PABPC1L: variants seen among roughly 807,000 people sequenced by gnomAD.
The protein encoded by PABPC1L is poly(A) binding protein cytoplasmic 1 like.
Under a neutral mutation model 66.6 loss-of-function variants are expected in PABPC1L, and 31 were observed. That is an observed-to-expected ratio of 0.47 (90% confidence interval 0.35 to 0.63). The LOEUF (loss-of-function observed/expected upper bound fraction) is 0.63. Ranked by LOEUF, PABPC1L falls within the 20% of genes least tolerant of loss-of-function variation. The pLI, the probability that PABPC1L is intolerant of heterozygous loss-of-function variation, is 0.00. For synonymous variants in PABPC1L, 348 were observed against 335.1 expected (o/e 1.04, Z -0.42); for missense variants, 722 against 848.8 (o/e 0.85, Z 1.86).
At position 44,935,070 on chromosome 20, in the gene PABPC1L, G is replaced by GA. The variant is rs576914712; in HGVS notation, c.1460-307dup. On this transcript the variant is annotated intron_variant, in intron 10 of 14. Coordinates refer to ENST00000217073, the MANE Select transcript of PABPC1L (RefSeq NM_001372179.1). The stretch of plus-strand genomic sequence containing the variant: ...GTGACAGAGCAAGACTCTGTCTCAG[G>GA]AAAAAAAAAAAAAAGAAAGAAAATG... 5.9e-3 allele frequency among the ~76,000 whole-genome samples: 773 copies of GA among 129,932 alleles called. 4 individuals are homozygous for GA. Among genetic ancestry groups the GA allele is most frequent in the African/African-American group, 0.014 (499 of 35,368 alleles). The allele number at this position is 129,932 out of a possible 152,430, so 85.2% of individuals were successfully genotyped here. A position where few individuals can be genotyped will look rare whatever the true frequency, so the allele number is the denominator to read the frequency against.
rs571937632 is a variant in PABPC1L at position 44,921,784 on chromosome 20, T to G, written c.876+53T>G. ...ACTTCTGTGTGAGAGCAGCTGTGTG[T>G]CGGGGGCCCTGAGTGGTGACTGTTT... On this transcript the variant is annotated intron_variant, in intron 6 of 14. Coordinates refer to ENST00000217073, the MANE Select transcript of PABPC1L (RefSeq NM_001372179.1). 2.2e-4 allele frequency: 350 copies of G among 1,604,760 alleles called. No individual in the cohort carries two copies. The African/African-American group carries it at 2.7e-3, about 12-fold the overall frequency.
intron 6 of PABPC1L, among the ~76,000 whole-genome samples, chr20:44,922,358 C>A (rs1279128509): frequency 6.6e-6 from 1 of 152,158 alleles, no homozygotes; most frequent in Non-Finnish European, 1.5e-5. Flanking sequence ...AAGTCTCAGC[C>A]TCCCAAGTAG....
chr20:44,929,050 A>G (rs2066831945), intron 7 of PABPC1L, among the ~76,000 whole-genome samples: 2 of 151,516 alleles, frequency 1.3e-5, no homozygotes, highest in Admixed American at 6.6e-5. Context: ...AGGTAGGAGG[A>G]TCTCTTGAGA....
intron 10 of PABPC1L, among the ~76,000 whole-genome samples, chr20:44,934,258 T>G (rs537177394): frequency 1.7e-4 from 26 of 152,356 alleles, no homozygotes; most frequent in African/African-American, 6.0e-4. Flanking sequence ...CGAGGTATAC[T>G]CAGTCTCTGG....
At chr20:44,920,242 C>T (rs960573065) in intron 5 of PABPC1L, among the ~76,000 whole-genome samples, 7 of 152,040 alleles carry the variant, frequency 4.6e-5, no homozygotes, top group Non-Finnish European at 8.8e-5. Flanking sequence ...TGACATGTAT[C>T]CACTATTATG....
At chr20:44,930,280 G>T (rs1377854651) in intron 7 of PABPC1L, among the ~76,000 whole-genome samples, 180 bp from the exon 8 acceptor site, 1 of 152,098 alleles carries the variant, frequency 6.6e-6, no homozygotes, top group African/African-American at 2.4e-5. Flanking sequence ...CTAAACGGGG[G>T]TGCACACTAC....
chr20:44,936,648 G>A lies in PABPC1L; in HGVS notation c.1578G>A (p.Pro526=), dbSNP rs1446199827. The change falls in exon 12 of 15, where the codon CCG becomes CCA. Residue 526 remains proline (P), a synonymous_variant. Transcript: ENST00000217073. ...CCGGCACCATGCAGGTCCAGGAGCC[G>A]GCTGTGCACATCCCAGGACAGGAGC... ...AAHSTYRVQE[P]AVHIPGQEPL... 13 of 1,597,870 alleles carry A rather than the reference G, an allele frequency of 8.1e-6. No individual in the cohort carries two copies. The highest frequency in any genetic ancestry group is 1.1e-5 in the South Asian group (1 of 87,684).
intron 10 of PABPC1L, among the ~76,000 whole-genome samples, chr20:44,933,900 C>T (rs769859171): frequency 1.3e-5 from 2 of 151,626 alleles, no homozygotes; most frequent in African/African-American, 2.4e-5. Flanking sequence ...TACAGGCATG[C>T]GCCACCATAC....
At chr20:44,921,457 C>G in intron 5 of PABPC1L, 137 bp from the exon 6 acceptor site, 1 of 1,291,598 alleles carries the variant, frequency 7.7e-7, no homozygotes, top group Non-Finnish European at 1.1e-6. Flanking sequence ...CTTAAATGGC[C>G]TTTGTCCTGG....
At chr20:44,929,380 C>A (rs1239645245) in intron 7 of PABPC1L, among the ~76,000 whole-genome samples, 1 of 152,124 alleles carries the variant, frequency 6.6e-6, no homozygotes, top group Non-Finnish European at 1.5e-5. Flanking sequence ...GTCTGGAGTT[C>A]AGTTAATAGC....
rs549467219 is a variant in PABPC1L, at chr20:44,921,663, G to A, written c.808G>A (p.Val270Met). ...GTACGCGGGCCGGGCCCAAAAGCGCGTGGAGCGGCAGAATGAACTGAAGCG... is the reference window on the plus strand; with the variant it reads ...GTACGCGGGCCGGGCCCAAAAGCGCATGGAGCGGCAGAATGAACTGAAGCG... ...LLYAGRAQKRVERQNELKRRF... is the reference protein window; with the variant it reads ...LLYAGRAQKRMERQNELKRRF... The change falls in exon 6 of 15, where the codon GTG (valine) becomes ATG (methionine). Residue 270 changes from valine to methionine, a missense_variant. By Grantham distance (21) the Val-to-Met change is conservative. This residue lies in a region of PABPC1L where 137 missense variants were observed against 216.8 expected (regional missense o/e 0.63). Coordinates refer to ENST00000217073, the MANE Select transcript of PABPC1L (RefSeq NM_001372179.1). The A allele has an allele frequency of 3.4e-5, 55 of 1,614,084 alleles. No homozygotes were observed. The highest frequency in any genetic ancestry group is 4.5e-5 in the East Asian group (2 of 44,870).
Position 44,935,464 on chromosome 20 carries a change from C to G in PABPC1L, c.1533C>G (p.Cys511Trp). The change falls in exon 11 of 15, where the codon TGC becomes TGG. Residue 511 changes from cysteine to tryptophan, a missense_variant. Physicochemically the swap from Cys to Trp is radical, Grantham distance 215 (BLOSUM62 -2). This residue lies in a region of PABPC1L where 301 missense variants were observed against 337.2 expected (regional missense o/e 0.89). Coordinates refer to ENST00000217073, the MANE Select transcript of PABPC1L (RefSeq NM_001372179.1). ...CACCAGGCCGGCCGCTCCTGCCGTG[C>G]AAATGTTCCTCAGCAGCACATAGCA... Reference protein sequence around the residue: ...CCTPGRPLLPCKCSSAAHSTY... With the variant: ...CCTPGRPLLPWKCSSAAHSTY... The G allele has an allele frequency of 6.2e-7, 1 of 1,614,210 alleles. No individual in the cohort carries two copies. Among genetic ancestry groups the G allele is most frequent in the Non-Finnish European group, 8.5e-7 (1 of 1,180,040 alleles).
chr20:44,912,912 A>G (rs2066714990), intron 2 of PABPC1L, 59 bp downstream of exon 2: 1 of 1,475,880 alleles, frequency 6.8e-7, no homozygotes, highest in Non-Finnish European at 9.3e-7. Flanking sequence ...TGCCTGGTAG[A>G]GGGGTGACAA....
intron 7 of PABPC1L, among the ~76,000 whole-genome samples, chr20:44,929,065 C>T (rs891582811): frequency 6.6e-6 from 1 of 151,254 alleles, no homozygotes; most frequent in African/African-American, 2.4e-5. Context: ...TTGAGACCAG[C>T]CTGGGCAACA....
intron 11 of PABPC1L, among the ~76,000 whole-genome samples, chr20:44,936,051 C>T (rs2066898439): frequency 6.6e-6 from 1 of 151,956 alleles, no homozygotes; most frequent in African/African-American, 2.4e-5. Flanking sequence ...TAGCTCACTG[C>T]AGCCTTGAAC....
chr20:44,932,958 C>T (rs1277744667), intron 9 of PABPC1L, 99 bp from the exon 10 acceptor site: 6 of 711,254 alleles, frequency 8.4e-6, no homozygotes, highest in Non-Finnish European at 1.4e-5. Context: ...CCTTCCCATT[C>T]TCTTGGTGGC....
chr20:44,930,997 T>TTTCC (rs144338158), intron 8 of PABPC1L, among the ~76,000 whole-genome samples: 4 of 93,882 alleles, frequency 4.3e-5, no homozygotes, highest in African/African-American at 8.9e-5. Context: ...GACCTACATT[T>TTTCC]TTCCTTCCTC....
intron 11 of PABPC1L, among the ~76,000 whole-genome samples, chr20:44,935,991 C>T (rs2066898082): frequency 2.0e-5 from 3 of 150,430 alleles, no homozygotes; most frequent in Admixed American, 6.6e-5. Context: ...TTTTTTTGGA[C>T]AGGGTCTTTT....
intron 7 of PABPC1L, among the ~76,000 whole-genome samples, chr20:44,930,226 C>A: frequency 6.6e-6 from 1 of 152,164 alleles, no homozygotes; most frequent in East Asian, 1.9e-4. Flanking sequence ...TCCATCACTC[C>A]TCAGTAAATG....
Sources: gnomAD v4.1 joint callset for allele counts (sites outside exome capture counted in the v4.1 genomes callset) on GRCh38, gnomAD v4.1.1 for gene constraint, gnomAD v4.1.1 regional missense constraint, MANE v1.5 for transcripts, NCBI Gene and HGNC (gene_info 2026-07-23, HGNC 2026-07-21) for gene names.